The following LRCH3 variants were observed in gnomAD, a reference collection of about 807,000 sequenced individuals.
The protein encoded by LRCH3 is DISP complex protein LRCH3.
LRCH3 carries 68 observed loss-of-function variants against 104.5 expected under a neutral mutation model. That is an observed-to-expected ratio of 0.65 (90% CI 0.54 to 0.80). The LOEUF (loss-of-function observed/expected upper bound fraction) is 0.80. LRCH3 is among the 30% of genes least tolerant of loss of function. LRCH3 has a pLI of 0.00. For synonymous variants in LRCH3, 344 were observed against 361.3 expected, an observed-to-expected ratio of 0.95 and a Z score of 0.54; for missense variants, 951 against 953.9, an observed-to-expected ratio of 1.00 and a Z score of 0.04.
chr3:197,798,120 T>G (rs1469481284), intron 1 of LRCH3, among the ~76,000 whole-genome samples: 1 of 151,612 alleles, frequency 6.6e-6, no homozygotes, highest in Non-Finnish European at 1.5e-5. Context: ...AATTAGACAG[T>G]TGTGGTGGAA....
At chr3:197,809,766 T>A (rs1293456512) in intron 1 of LRCH3, among the ~76,000 whole-genome samples, 1 of 152,010 alleles carries the variant, frequency 6.6e-6, no homozygotes, top group Admixed American at 6.6e-5. Context: ...GACCTTCTGT[T>A]TTTTGTTGTT....
chr3:197,802,760 C>T (rs1266371293), intron 1 of LRCH3, among the ~76,000 whole-genome samples: 1 of 152,034 alleles, frequency 6.6e-6, no homozygotes, highest in Non-Finnish European at 1.5e-5. Flanking sequence ...CTGAGTTATC[C>T]AGTTTGTTGG....
chr3:197,870,768 G>A (rs1370898822), intron 18 of LRCH3, among the ~76,000 whole-genome samples: 3 of 150,844 alleles, frequency 2.0e-5, no homozygotes, highest in African/African-American at 5.0e-5. Flanking sequence ...GAGCTTCCGC[G>A]CCCGGCTGTA....
chr3:197,835,046 A>G (rs1360719935), intron 8 of LRCH3, among the ~76,000 whole-genome samples: 3 of 152,252 alleles, frequency 2.0e-5, no homozygotes, highest in Non-Finnish European at 1.5e-5. Context: ...TGGGAGGCTG[A>G]GGCAGGAGAA....
Position 197,835,827 on chromosome 3 carries a change from TAC to T in LRCH3, c.1251+9_1251+10del. The T allele has an allele frequency of 6.2e-7, 1 of 1,613,656 alleles. No homozygotes were observed. Among genetic ancestry groups the T allele is most frequent in the South Asian group, 1.1e-5 (1 of 90,990 alleles). On this transcript the variant is annotated splice_donor_region_variant and intron_variant, in intron 9 of 20. Transcript: ENST00000425562. ...CAGCGGCGAATCTCTCATGAGGTAG[TAC>T]ACAGATTGAAGCCTAAATATGTTGC... is the stretch of plus-strand genomic sequence containing the variant.
chr3:197,879,412 C>T (rs544321739), intron 20 of LRCH3, among the ~76,000 whole-genome samples: 13 of 151,608 alleles, frequency 8.6e-5, no homozygotes, highest in Non-Finnish European at 1.3e-4. Flanking sequence ...TTTGGGAGGC[C>T]GAGGTGGGCG....
At chr3:197,864,709 CT>C (rs11367873) in intron 15 of LRCH3, among the ~76,000 whole-genome samples, 27,164 of 132,756 alleles carry the variant, frequency 0.2, 2,471 homozygotes, top group South Asian at 0.27. Flanking sequence ...TCTTCTTCTT[CT>C]TTTTTTTTTT....
At chr3:197,848,682 C>G (rs1739126682) in intron 12 of LRCH3, among the ~76,000 whole-genome samples, 1 of 152,178 alleles carries the variant, frequency 6.6e-6, no homozygotes, top group African/African-American at 2.4e-5. Context: ...GTTTTACTTA[C>G]TGCTGTGTCC....
At chr3:197,844,458 C>G (rs1213719262) in intron 10 of LRCH3, among the ~76,000 whole-genome samples, 1 of 152,082 alleles carries the variant, frequency 6.6e-6, no homozygotes, top group Non-Finnish European at 1.5e-5. Context: ...GTGGTGTCAT[C>G]ATAGCTCATA....
At chr3:197,879,455 G>A (rs911665713) in intron 20 of LRCH3, among the ~76,000 whole-genome samples, 3 of 151,150 alleles carry the variant, frequency 2.0e-5, no homozygotes, top group African/African-American at 4.9e-5. Flanking sequence ...GACCATCCTG[G>A]CTAACATGGT....
At chr3:197,860,255 G>T (rs1374533945) in intron 15 of LRCH3, among the ~76,000 whole-genome samples, 3 of 152,124 alleles carry the variant, frequency 2.0e-5, no homozygotes, top group Admixed American at 6.6e-5. Flanking sequence ...TCCTGCCTCG[G>T]CCTCCCAAAG....
intron 1 of LRCH3, among the ~76,000 whole-genome samples, chr3:197,793,080 C>T (rs560494225): frequency 1.8e-3 from 270 of 152,334 alleles, no homozygotes; most frequent in African/African-American, 5.9e-3. Flanking sequence ...TGAGCCACTG[C>T]GGCTGGCAGT....
chr3:197,839,467 A>C (rs1456504915), intron 10 of LRCH3, 70 bp downstream of exon 10: 14 of 927,084 alleles, frequency 1.5e-5, no homozygotes, highest in Non-Finnish European at 2.3e-5. Flanking sequence ...TTTTGGTTTT[A>C]TGCAGATCTG....
intron 15 of LRCH3, among the ~76,000 whole-genome samples, chr3:197,860,598 C>CT (rs554703443): frequency 0.032 from 4,576 of 143,232 alleles, 205 homozygotes; most frequent in African/African-American, 0.11. Flanking sequence ...GTATCATGTC[C>CT]TTTTTTTTTT....
intron 11 of LRCH3, 59 bp from the exon 12 acceptor site, chr3:197,847,813 A>T: frequency 6.4e-7 from 1 of 1,571,088 alleles, no homozygotes; most frequent in Non-Finnish European, 8.7e-7. Flanking sequence ...TTGATAGGGA[A>T]TATTGGTAAC....
chr3:197,828,409 G>A (rs1044903712), intron 5 of LRCH3, among the ~76,000 whole-genome samples: 2 of 152,042 alleles, frequency 1.3e-5, no homozygotes, highest in East Asian at 3.9e-4. Context: ...GCAGTGGCGC[G>A]ATCTCGGCTC....
intron 11 of LRCH3, 128 bp downstream of exon 11, chr3:197,847,588 A>G: frequency 3.9e-6 from 2 of 515,842 alleles, no homozygotes; most frequent in South Asian, 6.4e-5. Flanking sequence ...ATCGATTAAT[A>G]TAACATATGT....
At chr3:197,861,651 G>T (rs1361146988) in intron 15 of LRCH3, among the ~76,000 whole-genome samples, 1 of 151,912 alleles carries the variant, frequency 6.6e-6, no homozygotes, top group Non-Finnish European at 1.5e-5. Flanking sequence ...TACTTTCACA[G>T]CAATTATACA....
chr3:197,797,244 T>C (rs1731316910), intron 1 of LRCH3, among the ~76,000 whole-genome samples: 1 of 148,726 alleles, frequency 6.7e-6, no homozygotes, highest in South Asian at 2.1e-4. Context: ...CAGGAGAATT[T>C]CTTGAACCCT....
Sources: allele counts gnomAD v4.1 joint callset (sites outside exome capture counted in the v4.1 genomes callset), GRCh38; gene constraint gnomAD v4.1.1; transcripts MANE v1.5; gene names NCBI Gene and HGNC (gene_info 2026-07-23, HGNC 2026-07-21).